The following PRKG1 variants were observed in gnomAD, a reference collection of about 807,000 sequenced individuals.
PRKG1 encodes the protein cGMP-dependent protein kinase 1.
PRKG1 carries 35 observed loss-of-function variants against 88.1 expected under a neutral mutation model. The observed-to-expected ratio is 0.40, with a 90% CI of 0.30 to 0.53. The LOEUF (loss-of-function observed/expected upper bound fraction) is 0.53. Among genes scored for constraint, PRKG1 ranks in the 20% least tolerant of loss-of-function variants. PRKG1 has a pLI of 0.59. For missense variants in PRKG1, 540 were observed against 839.8 expected (o/e 0.64, Z 4.41); for synonymous variants, 303 against 292.5 (o/e 1.04, Z -0.37).
chr10:51,881,962 T>A (rs1841449742), intron 4 of PRKG1, among the ~76,000 whole-genome samples: 1 of 152,178 alleles, frequency 6.6e-6, no homozygotes, highest in Non-Finnish European at 1.5e-5. Flanking sequence ...TGCTGCTGCA[T>A]GACCATTTTG....
chr10:51,862,761 G>A (rs1338040644), intron 4 of PRKG1, among the ~76,000 whole-genome samples: 2 of 152,036 alleles, frequency 1.3e-5, no homozygotes, highest in Non-Finnish European at 2.9e-5. Context: ...GTCTGCCTAG[G>A]AATTTGTCTG....
chr10:51,248,126 A>T (rs1031906329), intron 2 of PRKG1, among the ~76,000 whole-genome samples: 3 of 152,026 alleles, frequency 2.0e-5, no homozygotes, highest in African/African-American at 7.2e-5. Flanking sequence ...TTGAAAAACT[A>T]AACTACATAC....
At chr10:51,712,171 C>T (rs1564617495) in intron 3 of PRKG1, among the ~76,000 whole-genome samples, 1 of 152,182 alleles carries the variant, frequency 6.6e-6, no homozygotes, top group Non-Finnish European at 1.5e-5. Context: ...AGTTTGTGAT[C>T]TAACCATAGT....
Position 51,627,982 on chromosome 10 carries a change from TTCTTTCTTTC to T in PRKG1, c.592+160150_592+160159del, listed in dbSNP as rs1265367071. Among the ~76,000 whole-genome samples the T allele has an allele frequency of 1.9e-3, 63 of 34,052 alleles. 2 individuals are homozygous for T. Among genetic ancestry groups the T allele is most frequent in the Admixed American group, 5.6e-3 (17 of 3,012 alleles). 22.3% of individuals were successfully genotyped at this position (34,052 alleles called of 152,430 possible). A position where few individuals can be genotyped will look rare whatever the true frequency, so the allele number is the denominator to read the frequency against. ...TCTTTCTTTCTTTCTCTTTCTTTCTTTCTTTCTTTCTCTCTCTCTCTCTCTCTCTTTCTTT... is the reference window on the plus strand; with the variant it reads ...TCTTTCTTTCTTTCTCTTTCTTTCTTTCTCTCTCTCTCTCTCTCTTTCTTT... On this transcript the variant is annotated intron_variant, in intron 3 of 17. Transcript: ENST00000373980.
chr10:51,611,956 G>A (rs1013629977), intron 3 of PRKG1, among the ~76,000 whole-genome samples: 3 of 151,812 alleles, frequency 2.0e-5, no homozygotes, highest in African/African-American at 4.8e-5. Flanking sequence ...TAAATATATC[G>A]ATTTATTTCT....
intron 10 of PRKG1, among the ~76,000 whole-genome samples, chr10:52,262,182 A>C (rs1841448596): frequency 6.6e-6 from 1 of 152,106 alleles, no homozygotes; most frequent in African/African-American, 2.4e-5. Context: ...CTTATATAAC[A>C]CTTCTTAATT....
At chr10:51,478,276 A>G (rs530830163) in intron 3 of PRKG1, among the ~76,000 whole-genome samples, 1 of 152,220 alleles carries the variant, frequency 6.6e-6, no homozygotes, top group Admixed American at 6.6e-5. Flanking sequence ...ACAAAAGTAG[A>G]TTGTATCTTA....
chr10:51,531,130 A>G (rs1334755571), intron 3 of PRKG1, among the ~76,000 whole-genome samples: 1 of 152,202 alleles, frequency 6.6e-6, no homozygotes, highest in Non-Finnish European at 1.5e-5. Flanking sequence ...ATAAAAATCA[A>G]TATAGATCAC....
intron 8 of PRKG1, among the ~76,000 whole-genome samples, chr10:52,161,277 C>A (rs1252886086): frequency 2.0e-5 from 3 of 152,068 alleles, no homozygotes; most frequent in Non-Finnish European, 4.4e-5. Context: ...GCAGTTAAAT[C>A]ATTCCTCCTG....
At chr10:52,122,286 A>G (rs904775166) in intron 7 of PRKG1, among the ~76,000 whole-genome samples, 2 of 152,238 alleles carry the variant, frequency 1.3e-5, no homozygotes, top group Non-Finnish European at 2.9e-5. Flanking sequence ...TAATCCATTC[A>G]TGAGGGCAAA....
chr10:52,183,073 G>A lies in PRKG1; in HGVS notation c.1076+21110G>A, dbSNP rs1839086231. ...GATCTCATGTAAACTCATAGAGTGA[G>A]ACCTAACTCATTACCATGAAGACAT... On this transcript the variant is annotated intron_variant, in intron 9 of 17. Coordinates refer to ENST00000373980, the MANE Select transcript of PRKG1 (RefSeq NM_006258.4). 2.6e-5 allele frequency among the ~76,000 whole-genome samples: 4 copies of A among 152,162 alleles called. No individual in the cohort carries two copies. The South Asian group carries it at 8.3e-4, about 32-fold the overall frequency.
chr10:51,770,212 G>C (rs1157198538), intron 3 of PRKG1, among the ~76,000 whole-genome samples: 4 of 152,082 alleles, frequency 2.6e-5, no homozygotes, highest in Admixed American at 6.5e-5. Flanking sequence ...TGTGTTTTTT[G>C]GTTTGTTTAA....
chr10:51,657,698 AT>A (rs1564593344), intron 3 of PRKG1, among the ~76,000 whole-genome samples: 1 of 152,138 alleles, frequency 6.6e-6, no homozygotes, highest in Admixed American at 6.6e-5. Context: ...GGAGTGGAAC[AT>A]TTTTGATTCA....
intron 8 of PRKG1, among the ~76,000 whole-genome samples, chr10:52,140,488 G>A (rs1267764380): frequency 6.6e-6 from 1 of 151,956 alleles, no homozygotes; most frequent in Non-Finnish European, 1.5e-5. Context: ...CACTCCCCAT[G>A]CACACACCTC....
chr10:51,052,991 A>G (rs1035170621), intron 1 of PRKG1, among the ~76,000 whole-genome samples: 1 of 152,128 alleles, frequency 6.6e-6, no homozygotes, highest in African/African-American at 2.4e-5. Flanking sequence ...GCACTTTGGG[A>G]GGTCAAAGTG....
intron 5 of PRKG1, among the ~76,000 whole-genome samples, chr10:51,927,372 CAG>C (rs1363366365): frequency 6.6e-6 from 1 of 152,164 alleles, no homozygotes; most frequent in Non-Finnish European, 1.5e-5. Context: ...GAGGCCTCTC[CAG>C]CCACATGGAA....
At chr10:51,365,889 C>CT (rs904067445) in intron 2 of PRKG1, among the ~76,000 whole-genome samples, 3 of 150,148 alleles carry the variant, frequency 2.0e-5, no homozygotes, top group South Asian at 2.2e-4. Context: ...TGTACTAAAT[C>CT]TTTTTTTTCC....
intron 2 of PRKG1, among the ~76,000 whole-genome samples, chr10:51,451,096 A>T (rs750424779): frequency 5.7e-4 from 87 of 152,012 alleles, no homozygotes; most frequent in Non-Finnish European, 6.3e-4. Context: ...ACAACTATTT[A>T]TATTGAGAAT....
intron 9 of PRKG1, among the ~76,000 whole-genome samples, chr10:52,220,413 T>TATA (rs1564520889): frequency 6.6e-6 from 1 of 150,938 alleles, no homozygotes; most frequent in African/African-American, 2.4e-5. Flanking sequence ...ATGACATCTT[T>TATA]TATATATATA....
Sources: gnomAD v4.1 joint callset for allele counts (sites outside exome capture counted in the v4.1 genomes callset) on GRCh38, gnomAD v4.1.1 for gene constraint, MANE v1.5 for transcripts, NCBI Gene and HGNC (gene_info 2026-07-23, HGNC 2026-07-21) for gene names.